The following RALYL variants were observed in gnomAD, a reference collection of about 807,000 sequenced individuals.
RALYL encodes RALY RNA binding protein like.
Under a neutral mutation model 35.1 loss-of-function variants are expected in RALYL, and 29 were observed. That is an observed-to-expected ratio of 0.83 (90% CI 0.61 to 1.13). The LOEUF (loss-of-function observed/expected upper bound fraction) is 1.13, where lower values mean the gene tolerates loss of function less well. Among genes scored for constraint, RALYL ranks in the 50% most tolerant of loss-of-function variants. The pLI is 0.00. For synonymous variants in RALYL, 120 were observed against 127.6 expected, an observed-to-expected ratio of 0.94 and a Z score of 0.40; for missense variants, 359 against 360.4, an observed-to-expected ratio of 1.00 and a Z score of 0.03.
At chr8:84,793,976 T>C (rs1563618444) in intron 3 of RALYL, among the ~76,000 whole-genome samples, 1 of 152,312 alleles carries the variant, frequency 6.6e-6, no homozygotes, top group East Asian at 1.9e-4. Flanking sequence ...AGCTATGACT[T>C]GGTCTGAATG....
chr8:84,218,600 G>A (rs1821408788), intron 1 of RALYL, among the ~76,000 whole-genome samples: 2 of 151,898 alleles, frequency 1.3e-5, no homozygotes, highest in African/African-American at 2.4e-5. Context: ...ATTCTGTACA[G>A]GTCAGAACTC....
chr8:84,677,297 A>G (rs998834342), intron 2 of RALYL, among the ~76,000 whole-genome samples: 1 of 152,226 alleles, frequency 6.6e-6, no homozygotes, highest in South Asian at 2.1e-4. Context: ...TAAAATTATT[A>G]TGTTTGTAAA....
intron 2 of RALYL, among the ~76,000 whole-genome samples, chr8:84,654,674 C>A (rs183618367): frequency 6.6e-6 from 1 of 152,136 alleles, no homozygotes; most frequent in East Asian, 1.9e-4. Flanking sequence ...TAAGTGAGGA[C>A]ATACAACATT....
chr8:84,311,471 A>G (rs964855690), intron 1 of RALYL, among the ~76,000 whole-genome samples: 39 of 152,172 alleles, frequency 2.6e-4, no homozygotes, highest in African/African-American at 9.4e-4. Context: ...TTAAACATAG[A>G]ATGGGAGAGA....
intron 1 of RALYL, among the ~76,000 whole-genome samples, chr8:84,447,817 A>G (rs1377793976): frequency 1.3e-5 from 2 of 152,036 alleles, no homozygotes; most frequent in Admixed American, 6.6e-5. Context: ...ACTTGCAGTT[A>G]TGTGTTTGTT....
intron 4 of RALYL, among the ~76,000 whole-genome samples, chr8:84,832,226 A>G (rs1831071456): frequency 1.3e-5 from 2 of 152,068 alleles, no homozygotes; most frequent in Non-Finnish European, 2.9e-5. Flanking sequence ...CTTAAATTTT[A>G]TCAAATGCCT....
chr8:84,816,346 C>G (rs990930833), intron 4 of RALYL, among the ~76,000 whole-genome samples: 1 of 152,126 alleles, frequency 6.6e-6, no homozygotes, highest in African/African-American at 2.4e-5. Context: ...TGAATTATTT[C>G]TTCTTCTTCA....
At chr8:84,492,975 C>T (rs559205886) in intron 1 of RALYL, among the ~76,000 whole-genome samples, 7 of 152,016 alleles carry the variant, frequency 4.6e-5, no homozygotes, top group Non-Finnish European at 7.4e-5. Flanking sequence ...CATACGTATA[C>T]GTGTACCATG....
chr8:84,467,511 T>G (rs908158411), intron 1 of RALYL, among the ~76,000 whole-genome samples: 1 of 151,388 alleles, frequency 6.6e-6, no homozygotes, highest in Non-Finnish European at 1.5e-5. Context: ...TGAGAGATAG[T>G]TTGTTATAAT....
At chr8:84,591,788 A>G (rs1177988078) in intron 2 of RALYL, among the ~76,000 whole-genome samples, 1 of 152,190 alleles carries the variant, frequency 6.6e-6, no homozygotes, top group Non-Finnish European at 1.5e-5. Context: ...AAAAGAAAGA[A>G]CACGGAAAAG....
intron 2 of RALYL, among the ~76,000 whole-genome samples, chr8:84,558,874 T>C: frequency 6.6e-6 from 1 of 152,106 alleles, no homozygotes; most frequent in South Asian, 2.1e-4. Flanking sequence ...CATCATTCTC[T>C]TTCTTCTAAA....
intron 1 of RALYL, among the ~76,000 whole-genome samples, chr8:84,388,168 G>T (rs537119797): frequency 0.042 from 6,384 of 152,112 alleles, 283 homozygotes; most frequent in African/African-American, 0.11. Context: ...CAAAGGACAT[G>T]AACTCATCCT....
At chr8:84,652,082 C>A (rs1374523018) in intron 2 of RALYL, among the ~76,000 whole-genome samples, 1 of 151,944 alleles carries the variant, frequency 6.6e-6, no homozygotes, top group African/African-American at 2.4e-5. Flanking sequence ...CCTGTGATTG[C>A]ACATAGGAAT....
At chr8:84,885,354 T>A (rs1240857968) in intron 7 of RALYL, among the ~76,000 whole-genome samples, 1 of 152,110 alleles carries the variant, frequency 6.6e-6, no homozygotes, top group Non-Finnish European at 1.5e-5. Context: ...GATAATAATT[T>A]TCTATATTTA....
intron 2 of RALYL, among the ~76,000 whole-genome samples, chr8:84,647,102 G>T (rs531592067): frequency 6.6e-6 from 1 of 152,156 alleles, no homozygotes; most frequent in South Asian, 2.1e-4. Flanking sequence ...TCAATGGGGA[G>T]ATTCAAGCTC....
At chr8:84,637,851 G>A (rs1218172013) in intron 2 of RALYL, among the ~76,000 whole-genome samples, 2 of 151,862 alleles carry the variant, frequency 1.3e-5, no homozygotes, top group Non-Finnish European at 2.9e-5. Flanking sequence ...CTCATAATTA[G>A]TACAGGCATA....
intron 1 of RALYL, among the ~76,000 whole-genome samples, chr8:84,415,684 GT>G (rs201398358): frequency 1.3e-5 from 2 of 151,154 alleles, no homozygotes; most frequent in African/African-American, 2.4e-5. Context: ...GGAGACACTG[GT>G]TTTTTTTTCT....
At chr8:84,795,772 A>T (rs977534905) in intron 3 of RALYL, among the ~76,000 whole-genome samples, 7 of 152,214 alleles carry the variant, frequency 4.6e-5, no homozygotes, top group Non-Finnish European at 8.8e-5. Context: ...ATTCATGTCA[A>T]CATGATGTTC....
At chr8:84,594,013 T>G (rs1193110032) in intron 2 of RALYL, among the ~76,000 whole-genome samples, 2 of 152,034 alleles carry the variant, frequency 1.3e-5, no homozygotes. Flanking sequence ...CTTTAATGCT[T>G]CTTGTAGCTT....
Sources: allele counts gnomAD v4.1 joint callset (sites outside exome capture counted in the v4.1 genomes callset), GRCh38; gene constraint gnomAD v4.1.1; transcripts MANE v1.5; gene names NCBI Gene and HGNC (gene_info 2026-07-23, HGNC 2026-07-21).